MTA3: variants seen among roughly 807,000 people sequenced by gnomAD.
The protein encoded by MTA3 is metastasis-associated protein MTA3.
In MTA3, 34 loss-of-function variants were observed where a neutral mutation model predicts 83.5. The observed-to-expected ratio is 0.41, with a 90% CI of 0.31 to 0.54. The LOEUF is 0.54. Ranked by LOEUF, MTA3 falls within the 20% of genes least tolerant of loss-of-function variation. The probability of loss-of-function intolerance (pLI) is 0.33; values close to 1 mark genes in which losing one functional copy is unlikely to be tolerated. For missense variants in MTA3, 761 were observed against 726.4 expected (o/e 1.05, Z -0.55); for synonymous variants, 303 against 252.7 (o/e 1.20, Z -1.89).
intron 6 of MTA3, among the ~76,000 whole-genome samples, chr2:42,649,052 G>A (rs973160199): frequency 1.3e-5 from 2 of 152,112 alleles, no homozygotes; most frequent in South Asian, 2.1e-4. Context: ...TTAGCACAGC[G>A]CCCAGCTGTT....
At chr2:42,634,513 G>A (rs1339168181) in intron 4 of MTA3, among the ~76,000 whole-genome samples, 1 of 152,116 alleles carries the variant, frequency 6.6e-6, no homozygotes, top group Non-Finnish European at 1.5e-5. Flanking sequence ...GATCATGTGA[G>A]AACTCACTAT....
chr2:42,515,659 C>T (rs1438616929), intron 2 of MTA3, among the ~76,000 whole-genome samples: 1 of 151,528 alleles, frequency 6.6e-6, no homozygotes. Flanking sequence ...TGCACCACCT[C>T]GCTCGGCTAA....
chr2:42,537,673 C>T (rs963471364), intron 2 of MTA3, among the ~76,000 whole-genome samples: 8 of 152,092 alleles, frequency 5.3e-5, no homozygotes, highest in South Asian at 2.1e-4. Context: ...GCTATGACAA[C>T]GAAATGCATT....
intron 14 of MTA3, among the ~76,000 whole-genome samples, chr2:42,717,914 C>A (rs1255864891): frequency 2.6e-5 from 4 of 152,122 alleles, no homozygotes; most frequent in Non-Finnish European, 5.9e-5. Flanking sequence ...TACGTTAAGA[C>A]TGATTCCACC....
chr2:42,658,038 C>T (rs941460250), intron 7 of MTA3, among the ~76,000 whole-genome samples: 2 of 131,966 alleles, frequency 1.5e-5, no homozygotes, highest in Non-Finnish European at 3.1e-5. Flanking sequence ...CACCATTGCA[C>T]TCCAGCCTGG....
chr2:42,626,478 A>G (rs1291814013), intron 4 of MTA3, among the ~76,000 whole-genome samples: 1 of 150,404 alleles, frequency 6.6e-6, no homozygotes, highest in East Asian at 2.0e-4. Flanking sequence ...TTGCATTTTT[A>G]GTAGAGATGG....
intron 3 of MTA3, among the ~76,000 whole-genome samples, chr2:42,584,325 C>T (rs1420615798): frequency 6.6e-6 from 1 of 152,124 alleles, no homozygotes; most frequent in Non-Finnish European, 1.5e-5. Flanking sequence ...TCAAAGAAGC[C>T]TTACCTTTTT....
chr2:42,649,999 C>G (rs927717663), intron 6 of MTA3, among the ~76,000 whole-genome samples: 17 of 152,192 alleles, frequency 1.1e-4, no homozygotes, highest in Admixed American at 6.5e-4. Context: ...TACCAACTCT[C>G]CTAGGTTTTG....
chr2:42,718,010 T>TA (rs1478996682), intron 14 of MTA3, among the ~76,000 whole-genome samples: 1 of 151,446 alleles, frequency 6.6e-6, no homozygotes, highest in African/African-American at 2.4e-5. Context: ...GCACACGCAA[T>TA]AAAAAAGCAT....
At chr2:42,537,708 T>G (rs1676312259) in intron 2 of MTA3, among the ~76,000 whole-genome samples, 2 of 152,294 alleles carry the variant, frequency 1.3e-5, no homozygotes, top group East Asian at 3.9e-4. Flanking sequence ...TGATCATAAA[T>G]CAAAAAGAAT....
chr2:42,573,539 C>T (rs910818502), intron 2 of MTA3, among the ~76,000 whole-genome samples: 2 of 152,054 alleles, frequency 1.3e-5, no homozygotes, highest in Non-Finnish European at 2.9e-5. Context: ...GCTATGGATT[C>T]TTGCTCTGTT....
intron 2 of MTA3, among the ~76,000 whole-genome samples, chr2:42,572,737 G>A (rs893345582): frequency 2.6e-5 from 4 of 151,882 alleles, no homozygotes; most frequent in African/African-American, 4.8e-5. Context: ...TTTGTTTTTT[G>A]TTTTTTGAGA....
chr2:42,637,087 T>G (rs1687277332), intron 4 of MTA3, among the ~76,000 whole-genome samples: 2 of 152,210 alleles, frequency 1.3e-5, no homozygotes, highest in Admixed American at 1.3e-4. Flanking sequence ...ACGTGTGACT[T>G]TGTTTTGTCG....
At chr2:42,624,501 A>G (rs1277815832) in intron 4 of MTA3, among the ~76,000 whole-genome samples, 1 of 151,900 alleles carries the variant, frequency 6.6e-6, no homozygotes, top group Non-Finnish European at 1.5e-5. Flanking sequence ...TTGTATTTTC[A>G]GTAGAGACAG....
chr2:42,704,017 A>G, intron 11 of MTA3, 177 bp from the exon 12 acceptor site: 1 of 622,866 alleles, frequency 1.6e-6, no homozygotes, highest in South Asian at 2.2e-5. Flanking sequence ...CTCGTTTTAT[A>G]AAGATGAGTA....
chr2:42,665,802 A>G (rs948373762), intron 8 of MTA3, among the ~76,000 whole-genome samples: 1 of 152,190 alleles, frequency 6.6e-6, no homozygotes, highest in Non-Finnish European at 1.5e-5. Flanking sequence ...TGATGAGCCG[A>G]AGGGACAAAA....
intron 2 of MTA3, among the ~76,000 whole-genome samples, chr2:42,547,917 A>G (rs549685159): frequency 1.5e-4 from 23 of 148,946 alleles, no homozygotes; most frequent in African/African-American, 4.2e-4. Context: ...AATCTTGTCT[A>G]TCTATTAAGC....
At chr2:42,713,700 T>C (rs1411514320) in intron 14 of MTA3, among the ~76,000 whole-genome samples, 2 of 152,212 alleles carry the variant, frequency 1.3e-5, no homozygotes, top group African/African-American at 4.8e-5. Flanking sequence ...ATACTGTCTA[T>C]ATTGCTCTGT....
At chr2:42,717,740 C>T (rs1667127469) in intron 14 of MTA3, among the ~76,000 whole-genome samples, 1 of 152,148 alleles carries the variant, frequency 6.6e-6, no homozygotes, top group Non-Finnish European at 1.5e-5. Context: ...CCAAATGGCC[C>T]ATTATTACTC....
Sources: gnomAD v4.1 joint callset for allele counts (sites outside exome capture counted in the v4.1 genomes callset) on GRCh38, gnomAD v4.1.1 for gene constraint, MANE v1.5 for transcripts, NCBI Gene and HGNC (gene_info 2026-07-23, HGNC 2026-07-21) for gene names.